KLHL1: variants seen among roughly 807,000 people sequenced by gnomAD.
KLHL1 encodes the protein kelch-like protein 1.
Under a neutral mutation model 77.7 loss-of-function variants are expected in KLHL1, and 47 were observed. That is an observed-to-expected ratio of 0.60 (90% confidence interval 0.48 to 0.77). The LOEUF (loss-of-function observed/expected upper bound fraction) is 0.77. Among genes scored for constraint, KLHL1 ranks in the 30% least tolerant of loss-of-function variants. The pLI is 0.00. For missense variants in KLHL1, 925 were observed against 910.8 expected (o/e 1.02, Z -0.20); for synonymous variants, 360 against 325.2 (o/e 1.11, Z -1.15).
chr13:69,939,378 T>TATATATATATATATACACAC (rs1200160699), intron 4 of KLHL1, among the ~76,000 whole-genome samples: 3 of 70,814 alleles, frequency 4.2e-5, no homozygotes, highest in Admixed American at 1.6e-4. Context: ...TATATATATA[T>TATATATATATATATACACAC]ACACACACAC....
intron 6 of KLHL1, among the ~76,000 whole-genome samples, chr13:69,828,225 A>AG (rs1439963861): frequency 7.1e-6 from 1 of 140,898 alleles, no homozygotes; most frequent in African/African-American, 2.5e-5. Context: ...AAAATGTGAG[A>AG]GGGGAAAGTC....
At chr13:69,874,104 T>C (rs1417254311) in intron 5 of KLHL1, among the ~76,000 whole-genome samples, 2 of 152,112 alleles carry the variant, frequency 1.3e-5, no homozygotes, top group African/African-American at 2.4e-5. Context: ...TTGTTTAGAA[T>C]TGGCAAGATA....
At chr13:70,080,649 T>C (rs1318141249) in intron 1 of KLHL1, among the ~76,000 whole-genome samples, 1 of 152,146 alleles carries the variant, frequency 6.6e-6, no homozygotes, top group Non-Finnish European at 1.5e-5. Context: ...CAGGCTGGGG[T>C]GCAGTGTCGT....
At chr13:69,938,678 G>T (rs1012154244) in intron 4 of KLHL1, among the ~76,000 whole-genome samples, 2 of 151,998 alleles carry the variant, frequency 1.3e-5, no homozygotes, top group Non-Finnish European at 2.9e-5. Context: ...TGAATTATTT[G>T]TTTACTTTGA....
intron 1 of KLHL1, among the ~76,000 whole-genome samples, chr13:69,997,671 T>C (rs1885190252): frequency 9.8e-6 from 1 of 101,944 alleles, no homozygotes; most frequent in Admixed American, 1.1e-4. Context: ...ATATATTATA[T>C]ATAATATTAC....
In KLHL1 at chr13:70,075,571, A is replaced by G. The variant is rs12866998; in HGVS notation, c.497+31632T>C. 7.0e-3 allele frequency among the ~76,000 whole-genome samples: 217 copies of G among 31,166 alleles called. 1 individual carries two copies. The highest frequency in any genetic ancestry group is 0.011 in the African/African-American group (84 of 7,802). 20.4% of individuals were successfully genotyped at this position (31,166 alleles called of 152,430 possible). A position where few individuals can be genotyped will look rare whatever the true frequency, so the allele number is the denominator to read the frequency against. On this transcript the variant is annotated intron_variant, in intron 1 of 10. Coordinates refer to ENST00000377844, the MANE Select transcript of KLHL1 (RefSeq NM_020866.3). ...TATATACCTGTGTGTGTGTATGTGTATATATATATATATATATACACACAC... is the reference window on the plus strand; with the variant it reads ...TATATACCTGTGTGTGTGTATGTGTGTATATATATATATATATACACACAC...
intron 8 of KLHL1, among the ~76,000 whole-genome samples, chr13:69,720,087 C>T (rs1202312274): frequency 6.6e-6 from 1 of 152,010 alleles, no homozygotes; most frequent in African/African-American, 2.4e-5. Flanking sequence ...TTAACAACAA[C>T]TTTCTTACTC....
intron 5 of KLHL1, among the ~76,000 whole-genome samples, chr13:69,844,419 C>A (rs1426148020): frequency 2.6e-5 from 4 of 151,672 alleles, no homozygotes; most frequent in African/African-American, 9.7e-5. Flanking sequence ...TTACTTATAA[C>A]CACTGTAACC....
At chr13:69,848,070 A>T (rs576003916) in intron 5 of KLHL1, among the ~76,000 whole-genome samples, 1 of 151,672 alleles carries the variant, frequency 6.6e-6, no homozygotes, top group East Asian at 1.9e-4. Flanking sequence ...TTCAGTCATC[A>T]CAGAACTTTC....
intron 8 of KLHL1, 87 bp downstream of exon 8, chr13:69,740,307 A>G (rs1873932448): frequency 5.5e-6 from 5 of 913,344 alleles, no homozygotes; most frequent in Non-Finnish European, 7.9e-6. Flanking sequence ...AACAATTTTT[A>G]CCAGCTTATT....
At chr13:69,992,786 A>C (rs1448208099) in intron 1 of KLHL1, among the ~76,000 whole-genome samples, 2 of 152,054 alleles carry the variant, frequency 1.3e-5, no homozygotes, top group African/African-American at 4.8e-5. Flanking sequence ...CCTTTGATCC[A>C]ATATGTCATT....
intron 2 of KLHL1, among the ~76,000 whole-genome samples, chr13:69,969,463 T>C (rs1242873069): frequency 2.0e-5 from 3 of 152,050 alleles, no homozygotes; most frequent in African/African-American, 7.2e-5. Context: ...ATTAATTAAA[T>C]CATTGTATGA....
rs191009145 is a variant in KLHL1, at chr13:70,069,963, T to A, written c.497+37240A>T. ...GCAGGCAGATCACGAGGTCAGTAGATCAACATCATCCTGGCTAACACGGTG... is the reference window on the plus strand; with the variant it reads ...GCAGGCAGATCACGAGGTCAGTAGAACAACATCATCCTGGCTAACACGGTG... On this transcript the variant is annotated intron_variant, in intron 1 of 10. Coordinates refer to ENST00000377844, the MANE Select transcript of KLHL1 (RefSeq NM_020866.3). Among the ~76,000 whole-genome samples the A allele has an allele frequency of 1.1e-3, 170 of 151,880 alleles. 1 individual carries two copies. Among genetic ancestry groups the A allele is most frequent in the African/African-American group, 3.7e-3 (154 of 41,346 alleles).
intron 6 of KLHL1, among the ~76,000 whole-genome samples, chr13:69,836,267 T>C (rs919931913): frequency 1.3e-5 from 2 of 152,074 alleles, no homozygotes; most frequent in African/African-American, 4.8e-5. Flanking sequence ...GTCAGGACCT[T>C]AGACTCCTGT....
intron 6 of KLHL1, among the ~76,000 whole-genome samples, chr13:69,822,028 T>C (rs1004872339): frequency 6.6e-6 from 1 of 151,928 alleles, no homozygotes; most frequent in Non-Finnish European, 1.5e-5. Context: ...TGAAACCCCA[T>C]CTCTACCAAA....
At chr13:69,794,510 A>C (rs1877015752) in intron 7 of KLHL1, among the ~76,000 whole-genome samples, 1 of 151,898 alleles carries the variant, frequency 6.6e-6, no homozygotes, top group Admixed American at 6.6e-5. Context: ...AAGAAACAGT[A>C]GAAAAAAAAA....
At chr13:69,709,288 CT>C (rs1875769887) in intron 9 of KLHL1, among the ~76,000 whole-genome samples, 1 of 151,940 alleles carries the variant, frequency 6.6e-6, no homozygotes, top group South Asian at 2.1e-4. Context: ...ATATTTAAAC[CT>C]TTTCCACAAG....
intron 1 of KLHL1, among the ~76,000 whole-genome samples, chr13:70,085,848 G>C (rs1325442746): frequency 6.6e-6 from 1 of 152,138 alleles, no homozygotes; most frequent in Non-Finnish European, 1.5e-5. Flanking sequence ...TGGAAACAGA[G>C]CAAGACTCTG....
intron 3 of KLHL1, among the ~76,000 whole-genome samples, chr13:69,947,275 T>G (rs7491419): frequency 0.13 from 19,431 of 152,064 alleles, 1,935 homozygotes; most frequent in East Asian, 0.29. Context: ...CCCAGAGGAT[T>G]CCACATAGTT....
Sources: allele counts gnomAD v4.1 joint callset (sites outside exome capture counted in the v4.1 genomes callset), GRCh38; gene constraint gnomAD v4.1.1; transcripts MANE v1.5; gene names NCBI Gene and HGNC (gene_info 2026-07-23, HGNC 2026-07-21).